COG6: variants seen among roughly 807,000 people sequenced by gnomAD.
COG6 encodes the protein conserved oligomeric Golgi complex subunit 6.
A neutral mutation model predicts 88.8 loss-of-function variants in COG6; 74 were observed. The ratio of observed to expected loss-of-function variants is 0.83; its 90% CI spans 0.69 to 1.01. The LOEUF (loss-of-function observed/expected upper bound fraction) is 1.01, where lower values mean the gene tolerates loss of function less well. COG6 is among the 50% of genes least tolerant of loss of function. COG6 has a pLI of 0.00. For missense variants in COG6, 800 were observed against 797.9 expected (o/e 1.00, Z -0.03); for synonymous variants, 286 against 278.7 (o/e 1.03, Z -0.26).
chr13:39,672,086 A>T (rs542751257), intron 4 of COG6, among the ~76,000 whole-genome samples: 4 of 152,120 alleles, frequency 2.6e-5, no homozygotes, highest in African/African-American at 9.6e-5. Flanking sequence ...ATTGCCTGTT[A>T]ATATTTGAGA....
chr13:39,784,446 T>C (rs1881715753), intron 18 of COG6, among the ~76,000 whole-genome samples: 1 of 152,228 alleles, frequency 6.6e-6, no homozygotes, highest in South Asian at 2.1e-4. Flanking sequence ...AACAGTGTTC[T>C]GCACCAGGGG....
Position 39,687,577 on chromosome 13 carries a change from G to T in COG6, c.863G>T (p.Gly288Val), listed in dbSNP as rs1282236514. 1 of 1,613,604 alleles carries T rather than the reference G, an allele frequency of 6.2e-7. No individual in the cohort carries two copies. The highest frequency in any genetic ancestry group is 1.1e-5 in the South Asian group (1 of 91,010). Reference sequence around the variant, plus strand: ...GGATTTATTGATGCGCTCACAAGAGGGGGCCCCGGAGGTACACCTAGACCA... The same window carrying T: ...GGATTTATTGATGCGCTCACAAGAGTGGGCCCCGGAGGTACACCTAGACCA... ...VRGFIDALTR[G>V]GPGGTPRPIE... The change falls in exon 9 of 19, where the codon GGG becomes GTG. Residue 288 changes from glycine (G) to valine (V), a missense_variant. By Grantham distance (109) the Gly-to-Val change is moderately radical. Coordinates refer to ENST00000455146, the MANE Select transcript of COG6 (RefSeq NM_020751.3).
At chr13:39,730,965 G>A (rs566421271) in intron 18 of COG6, among the ~76,000 whole-genome samples, 3 of 151,570 alleles carry the variant, frequency 2.0e-5, no homozygotes, top group East Asian at 2.0e-4. Context: ...GGGACTACAG[G>A]TGCATGCCAC....
rs61753158 is a variant in COG6 at position 39,659,424 on chromosome 13, C to T, written c.214C>T (p.Arg72Ter). Reference protein sequence around the residue: ...TFFVENSLRTRRNLRGDIERK... With the variant: ...TFFVENSLRT ...TTTTGTTGAAAATAGTCTGCGGACT[C>T]GAAGAAATTTACGTGGAGATATTGA... The change falls in exon 2 of 19, where the codon CGA becomes TGA. Residue 72 changes from arginine (R) to a stop codon, truncating the protein, a stop_gained. Coordinates refer to ENST00000455146, the MANE Select transcript of COG6 (RefSeq NM_020751.3). LOFTEE classifies it high-confidence loss of function. The T allele has an allele frequency of 1.7e-5, 27 of 1,613,296 alleles. No homozygotes were observed. The highest frequency in any genetic ancestry group is 3.3e-5 in the South Asian group (3 of 91,066).
At chr13:39,739,912 T>G (rs1879957915) in intron 18 of COG6, among the ~76,000 whole-genome samples, 1 of 152,144 alleles carries the variant, frequency 6.6e-6, no homozygotes, top group Non-Finnish European at 1.5e-5. Flanking sequence ...AGTTGTTACT[T>G]GGCCAGATTC....
intron 17 of COG6, 84 bp downstream of exon 17, chr13:39,724,645 G>T: frequency 9.5e-7 from 1 of 1,048,232 alleles, no homozygotes; most frequent in South Asian, 1.3e-5. Context: ...ATTTCATTCT[G>T]GGTGACACTT....
chr13:39,690,352 C>G lies in COG6; in HGVS notation c.1074+528C>G, dbSNP rs535798050. On this transcript the variant is annotated intron_variant, in intron 11 of 18. Transcript: ENST00000455146. ...CTTAATTGTGTTTACTTATTGCATC[C>G]GCTTAACTCTTCTGCACCTGAATTA... 4.1e-4 allele frequency among the ~76,000 whole-genome samples: 62 copies of G among 151,974 alleles called. 1 individual carries two copies. The highest frequency in any genetic ancestry group is 1.5e-3 in the African/African-American group (61 of 41,516).
chr13:39,740,233 A>G (rs555176032), intron 18 of COG6, among the ~76,000 whole-genome samples: 3 of 152,332 alleles, frequency 2.0e-5, no homozygotes, highest in East Asian at 3.9e-4. Flanking sequence ...TAAGAAGTAT[A>G]TGAGAGAGGA....
At chr13:39,658,063 CTTTTT>C (rs57263267) in intron 1 of COG6, among the ~76,000 whole-genome samples, 2 of 139,518 alleles carry the variant, frequency 1.4e-5, no homozygotes, top group Non-Finnish European at 1.6e-5. Context: ...ATTCTTGTCA[CTTTTT>C]TTTTTTTTTT....
chr13:39,662,794 T>C (rs900580005), intron 3 of COG6, among the ~76,000 whole-genome samples: 8 of 152,176 alleles, frequency 5.3e-5, no homozygotes, highest in Admixed American at 2.0e-4. Context: ...AAAATTTTGC[T>C]TAAAGCTAAT....
intron 18 of COG6, 146 bp downstream of exon 18, chr13:39,727,694 T>G (rs567706018): frequency 1.4e-6 from 1 of 711,330 alleles, no homozygotes; most frequent in East Asian, 2.7e-5. Context: ...TGCCTTGGCA[T>G]GCCAAAGGAT....
At chr13:39,731,003 G>A (rs1291759308) in intron 18 of COG6, among the ~76,000 whole-genome samples, 2 of 151,404 alleles carry the variant, frequency 1.3e-5, no homozygotes, top group Non-Finnish European at 2.9e-5. Context: ...TGTATTTTTA[G>A]TAGAGATGGG....
intron 18 of COG6, among the ~76,000 whole-genome samples, chr13:39,778,801 C>A: frequency 6.6e-6 from 1 of 152,172 alleles, no homozygotes; most frequent in Non-Finnish European, 1.5e-5. Flanking sequence ...ATGGCTGACA[C>A]GTTGGTCTGG....
At position 39,744,822 on chromosome 13, in the gene COG6, G is replaced by A. The variant is rs139714361; in HGVS notation, c.1827-6124G>A. Among the ~76,000 whole-genome samples, 1,478 of 152,284 alleles carry A rather than the reference G, an allele frequency of 9.7e-3. 13 individuals are homozygous for A. Among genetic ancestry groups the A allele is most frequent in the Middle Eastern group, 0.027 (8 of 294 alleles). ...AATCCTAAGCCAAAAGAACAAAGCT[G>A]GAGGCATCACGCTACCTGACTTCAA... is the stretch of plus-strand genomic sequence containing the variant. On this transcript the variant is annotated intron_variant, in intron 18 of 18. Transcript: ENST00000455146.
At chr13:39,687,674 A>G in intron 9 of COG6, 34 bp from the exon 10 acceptor site, 3 of 1,613,950 alleles carry the variant, frequency 1.9e-6, no homozygotes, top group South Asian at 1.1e-5. Context: ...TGTTTTTCCA[A>G]AGGAAATCTT....
chr13:39,717,883 A>G lies in COG6; in HGVS notation c.1285-1353A>G, dbSNP rs558631164. On this transcript the variant is annotated intron_variant, in intron 13 of 18. Transcript: ENST00000455146. ...AACAAAAAACAAAAACAAAAACAAA[A>G]CCCTATAGTTAATTTTTCATTTCAG... Among the ~76,000 whole-genome samples the G allele has an allele frequency of 2.6e-5, 4 of 151,558 alleles. No homozygotes were observed. In the East Asian group the frequency reaches 7.8e-4, roughly 29 times the overall value.
intron 1 of COG6, among the ~76,000 whole-genome samples, chr13:39,657,470 T>C (rs1368550063): frequency 6.6e-6 from 1 of 152,194 alleles, no homozygotes; most frequent in Non-Finnish European, 1.5e-5. Context: ...GATTACTTCT[T>C]TGAACCAGAC....
rs190264477 is a variant in COG6, at chr13:39,690,682, G to T, written c.1074+858G>T. Among the ~76,000 whole-genome samples the T allele has an allele frequency of 2.2e-4, 34 of 151,514 alleles. 1 individual carries two copies. The highest frequency in any genetic ancestry group is 8.5e-4 in the Admixed American group (13 of 15,210). On this transcript the variant is annotated intron_variant, in intron 11 of 18. Transcript: ENST00000455146. ...TATTTCTAAGGTTTTTGTTTTTTTG[G>T]TATATGCTTCAGGCAAGGAAATCTC...
chr13:39,739,373 A>T (rs1879932796), intron 18 of COG6, among the ~76,000 whole-genome samples: 2 of 152,150 alleles, frequency 1.3e-5, no homozygotes, highest in Admixed American at 1.3e-4. Context: ...ACAAGAGACC[A>T]TTTACAACAA....
Sources: gnomAD v4.1 joint callset for allele counts (sites outside exome capture counted in the v4.1 genomes callset) on GRCh38, gnomAD v4.1.1 for gene constraint, MANE v1.5 for transcripts, NCBI Gene and HGNC (gene_info 2026-07-23, HGNC 2026-07-21) for gene names.